Variants in RELN observed in about 807,000 individuals in gnomAD.
RELN encodes reelin.
In RELN, 108 loss-of-function variants were observed where a neutral mutation model predicts 427.6. The ratio of observed to expected loss-of-function variants is 0.25; its 90% CI spans 0.22 to 0.30. RELN has a LOEUF of 0.30. RELN is among the 10% of genes least tolerant of loss of function. The probability of loss-of-function intolerance (pLI) is 1.00; values close to 1 mark genes in which losing one functional copy is unlikely to be tolerated. For synonymous variants in RELN, 1,524 were observed against 1,513.4 expected (o/e 1.01, Z -0.16); for missense variants, 3,715 against 4,302.8 (o/e 0.86, Z 3.82).
intron 7 of RELN, among the ~76,000 whole-genome samples, chr7:103,724,262 T>C (rs889649210): frequency 1.3e-5 from 2 of 152,134 alleles, no homozygotes; most frequent in Non-Finnish European, 2.9e-5. Flanking sequence ...TCTTTAGACA[T>C]ATCCTTGCAC....
At position 103,551,141 on chromosome 7, in the gene RELN, G is replaced by A. The variant is rs115379833; in HGVS notation, c.6228C>T (p.Ser2076=). 4.9e-4 allele frequency: 784 copies of A among 1,614,106 alleles called. 4 individuals are homozygous for A. The African/African-American group carries it at 9.3e-3, about 19-fold the overall frequency. Residue 2076 remains serine (S), a synonymous_variant, in exon 41 of 65, where the codon AGC becomes AGT. Transcript: ENST00000428762. ...SSLCSTEHHP[S]STYYAGTMQG... is the part of the protein sequence containing the mutation. ...GCATGGTTCCTGCGTAGTAGGTGCT[G>A]CTGGGGTGGTGCTCGGTGGAGCATA... is the stretch of plus-strand genomic sequence containing the variant.
chr7:103,672,423 C>T (rs567289416), intron 11 of RELN, among the ~76,000 whole-genome samples: 3 of 152,066 alleles, frequency 2.0e-5, no homozygotes, highest in South Asian at 2.1e-4. Context: ...AGAACAACTC[C>T]GGCATAGAGA....
Position 103,572,280 on chromosome 7 carries a change from G to GT in RELN, c.4512-21dup. On this transcript the variant is annotated intron_variant, in intron 30 of 64. Transcript: ENST00000428762. ...ACAAGTCTGGGGAATAAAAACTTTA[G>GT]TTTACTTACAAACAAGAGTTCAGAA... 2.2e-6 allele frequency: 3 copies of GT among 1,360,080 alleles called. No homozygotes were observed. Among genetic ancestry groups the GT allele is most frequent in the Non-Finnish European group, 3.2e-6 (3 of 948,970 alleles). The allele number at this position is 1,360,080 out of a possible 1,614,324, so 84.3% of individuals were successfully genotyped here.
At chr7:103,909,754 T>TATATATTTTTAATATATA (rs1563085026) in intron 2 of RELN, among the ~76,000 whole-genome samples, 1 of 61,332 alleles carries the variant, frequency 1.6e-5, no homozygotes, top group East Asian at 4.2e-4. Flanking sequence ...AATATATATA[T>TATATATTTTTAATATATA]TAAATATATA....
rs994654651 is a variant in RELN, at chr7:103,483,549, T to C, written c.10181+104A>G. Reference sequence around the variant, plus strand: ...TCTGCCACCACCTAGTTTTGTGGCATTGGTGCATTAACTTTACCCAACTTC... The same window carrying C: ...TCTGCCACCACCTAGTTTTGTGGCACTGGTGCATTAACTTTACCCAACTTC... On this transcript the variant is annotated intron_variant, in intron 62 of 64. Transcript: ENST00000428762. 52 of 1,148,246 alleles carry C rather than the reference T, an allele frequency of 4.5e-5. 1 individual carries two copies. The East Asian group carries it at 7.3e-4, about 16-fold the overall frequency. 71.1% of individuals were successfully genotyped at this position (1,148,246 alleles called of 1,614,324 possible).
intron 4 of RELN, among the ~76,000 whole-genome samples, chr7:103,773,164 C>CTTTCTTTCTT (rs1447006041): frequency 9.4e-5 from 10 of 106,326 alleles, no homozygotes; most frequent in African/African-American, 3.1e-4. Flanking sequence ...TTCTTTCTTT[C>CTTTCTTTCTT]TTTTTCTTTC....
intron 1 of RELN, among the ~76,000 whole-genome samples, chr7:103,923,178 A>G (rs897153203): frequency 4.6e-5 from 7 of 152,222 alleles, no homozygotes; most frequent in African/African-American, 1.7e-4. Flanking sequence ...TAAGGAACAA[A>G]TATCTTTCTC....
chr7:103,487,624 T>C (rs1369682964), intron 60 of RELN, among the ~76,000 whole-genome samples: 1 of 152,206 alleles, frequency 6.6e-6, no homozygotes, highest in African/African-American at 2.4e-5. Flanking sequence ...TGTAAAACTG[T>C]TGTTTAAATA....
chr7:103,509,005 GCAAA>G (rs149372850), intron 51 of RELN, among the ~76,000 whole-genome samples: 15,097 of 151,960 alleles, frequency 0.099, 1,092 homozygotes, highest in African/African-American at 0.2. Flanking sequence ...AAGAGAGGAT[GCAAA>G]CAAACAAATG....
In RELN at chr7:103,698,532, G is replaced by C. The variant is rs527668587; in HGVS notation, c.903-439C>G. ...TATAAAAGTGTGATTTTGTTTTTTT[G>C]AGACAGGGTCTTGCTCTGTCATATA... On this transcript the variant is annotated intron_variant, in intron 9 of 64. Transcript: ENST00000428762. Among the ~76,000 whole-genome samples, 16 of 152,042 alleles carry C rather than the reference G, an allele frequency of 1.1e-4. No individual in the cohort carries two copies. In the South Asian group the frequency reaches 3.1e-3, roughly 30 times the overall value.
intron 6 of RELN, among the ~76,000 whole-genome samples, chr7:103,742,160 T>G (rs974930083): frequency 1.2e-4 from 19 of 152,218 alleles, no homozygotes; most frequent in Admixed American, 6.5e-5. Context: ...AAACAGGGTC[T>G]GGAGTGGACG....
chr7:103,907,416 A>G (rs1410269379), intron 2 of RELN, among the ~76,000 whole-genome samples: 2 of 37,822 alleles, frequency 5.3e-5, no homozygotes, highest in Non-Finnish European at 1.7e-4. Flanking sequence ...AAGGCTCTGG[A>G]AAAAAAAAAA....
intron 8 of RELN, 128 bp from the exon 9 acceptor site, chr7:103,701,134 T>C: frequency 1.5e-6 from 1 of 683,724 alleles, no homozygotes; most frequent in Non-Finnish European, 2.6e-6. Context: ...CCCATTCTTC[T>C]AATGATGCTG....
At position 103,574,136 on chromosome 7, in the gene RELN, C is replaced by A; in HGVS notation, c.4467G>T (p.Gly1489=). The change falls in exon 30 of 65, where the codon GGG becomes GGT. Residue 1489 remains glycine, a synonymous_variant. Transcript: ENST00000428762. Reference sequence around the variant, plus strand: ...GAGGGACCGTCCGGGCTTCCCTTTTCCCAGGGCCATTGAAGTAGAGAGATT... The same window carrying A: ...GAGGGACCGTCCGGGCTTCCCTTTTACCAGGGCCATTGAAGTAGAGAGATT... The part of the protein sequence containing the change: ...DGKSLYFNGP[G]KREARTVPLD... 1.2e-6 allele frequency: 2 copies of A among 1,614,126 alleles called. No individual in the cohort carries two copies. Among genetic ancestry groups the A allele is most frequent in the Non-Finnish European group, 1.7e-6 (2 of 1,180,016 alleles).
Position 103,589,791 on chromosome 7 carries a change from G to T in RELN, c.3950C>A (p.Ala1317Asp). The change falls in exon 28 of 65, where the codon GCT becomes GAT. Residue 1317 changes from alanine to aspartate, a missense_variant. Physicochemically the swap from Ala to Asp is moderately radical, Grantham distance 126. Transcript: ENST00000428762. ...ATGAGAGTACTGAAGAAGAACTGGA[G>T]CAGTACTGCTGAATTGATTGGCACA... is the stretch of plus-strand genomic sequence containing the variant. ...IGCANQFSSTAPVLLQYSHDA... is the reference protein window; with the variant it reads ...IGCANQFSSTDPVLLQYSHDA... 6.2e-7 allele frequency: 1 copy of T among 1,611,448 alleles called. No homozygotes were observed. Among genetic ancestry groups the T allele is most frequent in the African/African-American group, 1.3e-5 (1 of 74,980 alleles).
intron 40 of RELN, among the ~76,000 whole-genome samples, chr7:103,552,379 A>T (rs1024353359): frequency 1.3e-5 from 2 of 152,216 alleles, no homozygotes; most frequent in African/African-American, 4.8e-5. Context: ...TATACAATAA[A>T]TATACACTAT....
At chr7:103,637,457 A>C (rs1832606920) in intron 17 of RELN, among the ~76,000 whole-genome samples, 1 of 152,204 alleles carries the variant, frequency 6.6e-6, no homozygotes, top group Admixed American at 6.5e-5. Context: ...ACTTGGGTCT[A>C]TGCTGGCCTT....
In RELN at chr7:103,527,253, CATA is replaced by C. The variant is rs143129091; in HGVS notation, c.7350-3725_7350-3723del. 1.5e-4 allele frequency among the ~76,000 whole-genome samples: 23 copies of C among 152,304 alleles called. No homozygotes were observed. The East Asian group carries it at 4.2e-3, about 28-fold the overall frequency. ...GTGAGAAAAAGCCCTTTGAAAGGAA[CATA>C]ATATTTTAAACCTCTTCATCCTTCC... On this transcript the variant is annotated intron_variant, in intron 46 of 64. Transcript: ENST00000428762.
chr7:103,951,149 G>T (rs942034426), intron 1 of RELN, among the ~76,000 whole-genome samples: 2 of 151,998 alleles, frequency 1.3e-5, no homozygotes, highest in Non-Finnish European at 1.5e-5. Context: ...TAAATGAGTG[G>T]GTCCCCCAGT....
Sources: gnomAD v4.1 joint callset for allele counts (sites outside exome capture counted in the v4.1 genomes callset) on GRCh38, gnomAD v4.1.1 for gene constraint, MANE v1.5 for transcripts, NCBI Gene and HGNC (gene_info 2026-07-23, HGNC 2026-07-21) for gene names.